Variants in EPB41L3 observed in about 807,000 individuals in gnomAD.
EPB41L3 encodes erythrocyte membrane protein band 4.1 like 3, also known as band 4.1-like protein 3.
EPB41L3 carries 57 observed loss-of-function variants against 127.1 expected under a neutral mutation model. The observed-to-expected ratio is 0.45, with a 90% CI of 0.36 to 0.56. The LOEUF is 0.56. Among genes scored for constraint, EPB41L3 ranks in the 20% least tolerant of loss-of-function variants. The pLI is 0.00. For synonymous variants in EPB41L3, 572 were observed against 549.5 expected, an observed-to-expected ratio of 1.04 and a Z score of -0.57; for missense variants, 1,273 against 1,372.2, an observed-to-expected ratio of 0.93 and a Z score of 1.14.
At chr18:5,519,687 C>G (rs575571498) in intron 1 of EPB41L3, among the ~76,000 whole-genome samples, 1 of 152,126 alleles carries the variant, frequency 6.6e-6, no homozygotes, top group Non-Finnish European at 1.5e-5. Context: ...CAGAGGGGAC[C>G]GGGACAAATC....
At chr18:5,629,415 C>CCACACACA (rs61034629), upstream of EPB41L3, among the ~76,000 whole-genome samples, 12,674 of 143,692 alleles carry the variant, frequency 0.088, 798 homozygotes, top group East Asian at 0.36. Context: ...TCCTTACACA[C>CCACACACA]CACACACACA....
intron 8 of EPB41L3, among the ~76,000 whole-genome samples, chr18:5,431,709 G>C (rs1247441644): frequency 6.6e-6 from 1 of 152,030 alleles, no homozygotes; most frequent in Non-Finnish European, 1.5e-5. Context: ...CTCAAAAATA[G>C]CTTCAGATTC....
At chr18:5,460,209 C>A (rs574900160) in intron 3 of EPB41L3, among the ~76,000 whole-genome samples, 5 of 152,302 alleles carry the variant, frequency 3.3e-5, no homozygotes, top group African/African-American at 1.2e-4. Context: ...CTGCTTTTCT[C>A]TGCTGACTGG....
At chr18:5,447,299 T>G (rs1040782365) in intron 3 of EPB41L3, among the ~76,000 whole-genome samples, 4 of 152,150 alleles carry the variant, frequency 2.6e-5, no homozygotes, top group African/African-American at 4.8e-5. Flanking sequence ...AACAGTAGAA[T>G]AACTAATGTA....
At chr18:5,414,016 T>C (rs2076501458) in intron 13 of EPB41L3, among the ~76,000 whole-genome samples, 1 of 152,250 alleles carries the variant, frequency 6.6e-6, no homozygotes, top group Non-Finnish European at 1.5e-5. Flanking sequence ...TGGTTTGCTA[T>C]ATAAAAGTTG....
At position 5,394,691 on chromosome 18, in the gene EPB41L3, C is replaced by G. The variant is rs780460761; in HGVS notation, c.3256G>C (p.Glu1086Gln). 1 of 1,614,024 alleles carries G rather than the reference C, an allele frequency of 6.2e-7. No individual in the cohort carries two copies. The highest frequency in any genetic ancestry group is 1.3e-5 in the African/African-American group (1 of 75,054). The change falls in exon 22 of 23, where the codon GAG becomes CAG. Residue 1086 changes from glutamate (E) to glutamine (Q), a missense_variant. By Grantham distance (29) the Glu-to-Gln change is conservative. Coordinates refer to ENST00000341928, the MANE Select transcript of EPB41L3 (RefSeq NM_012307.5). ...TCACCTCTTACCTCTGGTCAATCCTCTCCATCTTCTGGTGTGATCTCTGTC... is the reference window on the plus strand; with the variant it reads ...TCACCTCTTACCTCTGGTCAATCCTGTCCATCTTCTGGTGTGATCTCTGTC... ...KETEITPEDGED is the reference protein window; with the variant it reads ...KETEITPEDGQD
chr18:5,569,006 A>T (rs1418803814), intron 3 of EPB41L3, among the ~76,000 whole-genome samples: 2 of 152,252 alleles, frequency 1.3e-5, no homozygotes, highest in African/African-American at 2.4e-5. Flanking sequence ...TATCAATATA[A>T]TCTTACAAAA....
chr18:5,628,064 T>C (rs1158776105), intron 1 of EPB41L3, among the ~76,000 whole-genome samples: 2 of 152,138 alleles, frequency 1.3e-5, no homozygotes, highest in Non-Finnish European at 2.9e-5. Flanking sequence ...TGTTCTAGAT[T>C]ATGTGTAACG....
At chr18:5,599,241 G>A (rs1402213097) in intron 3 of EPB41L3, among the ~76,000 whole-genome samples, 2 of 152,140 alleles carry the variant, frequency 1.3e-5, no homozygotes, top group Non-Finnish European at 2.9e-5. Context: ...CTGTCCTGAG[G>A]TAGGCACACA....
chr18:5,501,874 G>A (rs1387571143), intron 1 of EPB41L3, among the ~76,000 whole-genome samples: 2 of 152,172 alleles, frequency 1.3e-5, no homozygotes, highest in African/African-American at 2.4e-5. Context: ...TCGCCTGAAA[G>A]CAGTGCCTCA....
intron 9 of EPB41L3, among the ~76,000 whole-genome samples, chr18:5,427,474 A>G (rs2078353277): frequency 6.6e-6 from 1 of 152,222 alleles, no homozygotes; most frequent in South Asian, 2.1e-4. Flanking sequence ...CTAGTTAACA[A>G]TTCTGATTGT....
At chr18:5,506,251 T>G (rs73937145) in intron 1 of EPB41L3, among the ~76,000 whole-genome samples, 42 of 152,144 alleles carry the variant, frequency 2.8e-4, no homozygotes. Flanking sequence ...ATGTCACGTC[T>G]TGGCTCAAAA....
At chr18:5,399,362 T>C in intron 16 of EPB41L3, 1 of 398,998 alleles carries the variant, frequency 2.5e-6, no homozygotes, top group Middle Eastern at 6.3e-4. Flanking sequence ...GTATTCTGTC[T>C]ACAATAACCC....
intron 3 of EPB41L3, among the ~76,000 whole-genome samples, chr18:5,467,169 T>G (rs2085147715): frequency 6.6e-6 from 1 of 152,206 alleles, no homozygotes; most frequent in African/African-American, 2.4e-5. Context: ...TGTCGAGCCT[T>G]GAAACTTGTT....
At chr18:5,394,989 G>C in intron 21 of EPB41L3, 78 bp downstream of exon 21, 1 of 1,392,626 alleles carries the variant, frequency 7.2e-7, no homozygotes, top group South Asian at 1.2e-5. Context: ...TGGACTAGAG[G>C]AATAGCATTG....
At chr18:5,470,817 T>C (rs1473744453) in intron 3 of EPB41L3, among the ~76,000 whole-genome samples, 1 of 152,192 alleles carries the variant, frequency 6.6e-6, no homozygotes, top group African/African-American at 2.4e-5. Flanking sequence ...AGCGCATTGG[T>C]AGCAGACAGT....
intron 3 of EPB41L3, among the ~76,000 whole-genome samples, chr18:5,606,224 T>C (rs752093215): frequency 1.3e-5 from 2 of 152,032 alleles, no homozygotes; most frequent in Non-Finnish European, 2.9e-5. Flanking sequence ...CAAAATAATT[T>C]GGGAAAATAA....
At chr18:5,588,076 C>A (rs934688244) in intron 3 of EPB41L3, among the ~76,000 whole-genome samples, 1 of 152,128 alleles carries the variant, frequency 6.6e-6, no homozygotes, top group Non-Finnish European at 1.5e-5. Flanking sequence ...TAAGGTACTA[C>A]CTCATACCTA....
At position 5,395,725 on chromosome 18, in the gene EPB41L3, T is replaced by C. The variant is rs770737016; in HGVS notation, c.2974-18A>G. The stretch of plus-strand genomic sequence containing the variant: ...GGATCGACCTAAAGCAGCAGAGGCA[T>C]AGACCCCTCATCCAGGTGCTCACAT... On this transcript the variant is annotated intron_variant, in intron 19 of 22. Transcript: ENST00000341928. 8.1e-6 allele frequency: 13 copies of C among 1,605,566 alleles called. No homozygotes were observed. The highest frequency in any genetic ancestry group is 3.3e-4 in the Middle Eastern group (2 of 6,064).
Sources: allele counts gnomAD v4.1 joint callset (sites outside exome capture counted in the v4.1 genomes callset), GRCh38; gene constraint gnomAD v4.1.1; transcripts MANE v1.5; gene names NCBI Gene and HGNC (gene_info 2026-07-23, HGNC 2026-07-21).